ACOT12: variants seen among roughly 807,000 people sequenced by gnomAD.
The protein encoded by ACOT12 is acyl-CoA thioesterase 12.
ACOT12 carries 51 observed loss-of-function variants against 67.7 expected under a neutral mutation model. The ratio of observed to expected loss-of-function variants is 0.75; its 90% CI spans 0.60 to 0.95. ACOT12 has a LOEUF of 0.95. Among genes scored for constraint, ACOT12 ranks in the 40% least tolerant of loss-of-function variants. The pLI is 0.00. For missense variants in ACOT12, 734 were observed against 708.1 expected, an observed-to-expected ratio of 1.04 and a Z score of -0.41; for synonymous variants, 251 against 244.6, an observed-to-expected ratio of 1.03 and a Z score of -0.24.
At chr5:81,340,063 G>C (rs1304680701) in intron 11 of ACOT12, among the ~76,000 whole-genome samples, 1 of 150,706 alleles carries the variant, frequency 6.6e-6, no homozygotes, top group Non-Finnish European at 1.5e-5. Context: ...TTTGATATAG[G>C]GTCTCACTCT....
intron 3 of ACOT12, among the ~76,000 whole-genome samples, chr5:81,364,526 C>G (rs1361894060): frequency 6.6e-6 from 1 of 151,986 alleles, no homozygotes; most frequent in Non-Finnish European, 1.5e-5. Flanking sequence ...CTCCCGGGTT[C>G]AAGCCATTCT....
chr5:81,332,891 C>T (rs1005013561), intron 12 of ACOT12, among the ~76,000 whole-genome samples: 1 of 151,850 alleles, frequency 6.6e-6, no homozygotes, highest in Non-Finnish European at 1.5e-5. Context: ...TCTTGCAAAA[C>T]CCTATCTTTA....
intron 11 of ACOT12, among the ~76,000 whole-genome samples, chr5:81,340,132 G>A (rs1003910741): frequency 6.6e-6 from 1 of 151,582 alleles, no homozygotes; most frequent in African/African-American, 2.4e-5. Flanking sequence ...CTGCCTCCCA[G>A]GTTCAAGTGA....
intron 4 of ACOT12, 66 bp downstream of exon 4, chr5:81,363,722 T>C: frequency 2.5e-6 from 3 of 1,220,066 alleles, no homozygotes; most frequent in Non-Finnish European, 3.5e-6. Flanking sequence ...TTCTATAACA[T>C]TCTGATGCAA....
intron 5 of ACOT12, among the ~76,000 whole-genome samples, chr5:81,354,937 C>T (rs1487324446): frequency 6.6e-6 from 1 of 152,136 alleles, no homozygotes; most frequent in Non-Finnish European, 1.5e-5. Flanking sequence ...AGTGATCCGC[C>T]TGCCTCAGCC....
At chr5:81,355,116 C>T (rs1759671458) in intron 5 of ACOT12, among the ~76,000 whole-genome samples, 1 of 152,148 alleles carries the variant, frequency 6.6e-6, no homozygotes, top group Non-Finnish European at 1.5e-5. Flanking sequence ...AGCATAGTTC[C>T]TGAGAAGCAT....
At chr5:81,388,782 G>C (rs1760794067) in intron 1 of ACOT12, among the ~76,000 whole-genome samples, 1 of 152,148 alleles carries the variant, frequency 6.6e-6, no homozygotes, top group African/African-American at 2.4e-5. Context: ...CATGTTGTGG[G>C]AAGGAACCGG....
In ACOT12 at chr5:81,363,978, T is replaced by G. The variant is rs1342032383; in HGVS notation, c.259-89A>C. 1.5e-5 allele frequency: 11 copies of G among 713,666 alleles called. No homozygotes were observed. In the South Asian group the frequency reaches 4.6e-4, roughly 30 times the overall value. 44.2% of individuals were successfully genotyped at this position (713,666 alleles called of 1,614,324 possible). A position where few individuals can be genotyped will look rare whatever the true frequency, so the allele number is the denominator to read the frequency against. ...TAGTCATATGTATGCACCATTACCT[T>G]CTTTCATTTTAAAAATGAAACCAGA... On this transcript the variant is annotated intron_variant, in intron 3 of 14. Coordinates refer to ENST00000307624, the MANE Select transcript of ACOT12 (RefSeq NM_130767.3).
chr5:81,383,034 A>G (rs1760630435), intron 2 of ACOT12, among the ~76,000 whole-genome samples: 1 of 152,226 alleles, frequency 6.6e-6, no homozygotes, highest in Admixed American at 6.5e-5. Context: ...ATCTAATGAC[A>G]GAATGGTTGT....
intron 11 of ACOT12, among the ~76,000 whole-genome samples, chr5:81,337,004 C>T (rs1195325810): frequency 1.3e-5 from 2 of 152,214 alleles, no homozygotes; most frequent in East Asian, 3.8e-4. Flanking sequence ...GAAGACATGA[C>T]TGAGGCTGTG....
intron 5 of ACOT12, among the ~76,000 whole-genome samples, chr5:81,353,297 A>G (rs143851812): frequency 8.5e-5 from 13 of 152,354 alleles, no homozygotes; most frequent in Non-Finnish European, 1.5e-4. Flanking sequence ...ACCAACGAAA[A>G]AAATAGGGTT....
At chr5:81,354,262 G>T (rs976769745) in intron 5 of ACOT12, among the ~76,000 whole-genome samples, 7 of 151,856 alleles carry the variant, frequency 4.6e-5, no homozygotes, top group Admixed American at 4.6e-4. Flanking sequence ...ATCTAATCTG[G>T]CCAACTTTGT....
chr5:81,342,290 C>CA (rs1249781648), intron 11 of ACOT12, among the ~76,000 whole-genome samples: 3 of 151,988 alleles, frequency 2.0e-5, no homozygotes, highest in Non-Finnish European at 4.4e-5. Context: ...CACACTCGAC[C>CA]AAAAAAATTA....
intron 1 of ACOT12, among the ~76,000 whole-genome samples, chr5:81,389,661 G>T (rs1407824873): frequency 6.6e-6 from 1 of 152,088 alleles, no homozygotes. Flanking sequence ...TGAGTAGCTG[G>T]GAATACAGGC....
At chr5:81,363,743 G>T in intron 4 of ACOT12, 45 bp downstream of exon 4, 1 of 1,421,748 alleles carries the variant, frequency 7.0e-7, no homozygotes. Context: ...TTGTTACTAT[G>T]TCCCTGAATT....
the ACOT12 span, chr5:81,312,740 C>A: frequency 9.4e-7 from 1 of 1,066,706 alleles, no homozygotes; most frequent in Non-Finnish European, 1.4e-6. Flanking sequence ...TAGAGTTGAG[C>A]TCCCCTGTAG....
chr5:81,330,538 A>C lies in ACOT12; in HGVS notation c.1524T>G (p.Ser508=), dbSNP rs760655686. 2 of 1,611,738 alleles carry C rather than the reference A, an allele frequency of 1.2e-6. No homozygotes were observed. Among genetic ancestry groups the C allele is most frequent in the Non-Finnish European group, 1.7e-6 (2 of 1,179,448 alleles). Residue 508 remains serine (S), a synonymous_variant, in exon 15 of 15, where the codon TCT becomes TCG. Transcript: ENST00000307624. ...HAIDSNSCIV[S]YFNHMSASIL... is the part of the protein sequence containing the mutation. ...TGCTAGCAGACATATGGTTAAAGTA[A>C]GATACCTGTTTCAAAAAGAAAGTAC... is the stretch of plus-strand genomic sequence containing the variant.
chr5:81,342,007 T>A (rs947572522), intron 11 of ACOT12, among the ~76,000 whole-genome samples: 18 of 152,192 alleles, frequency 1.2e-4, no homozygotes, highest in Admixed American at 2.0e-4. Context: ...TTATTTTTTT[T>A]AGAGACAGAG....
At chr5:81,391,132 T>C (rs1760853899) in intron 1 of ACOT12, among the ~76,000 whole-genome samples, 1 of 152,228 alleles carries the variant, frequency 6.6e-6, no homozygotes, top group South Asian at 2.1e-4. Context: ...ACCAGGAGGT[T>C]TGGAGTCTGT....
Sources: gnomAD v4.1 joint callset for allele counts (sites outside exome capture counted in the v4.1 genomes callset) on GRCh38, gnomAD v4.1.1 for gene constraint, MANE v1.5 for transcripts, NCBI Gene and HGNC (gene_info 2026-07-23, HGNC 2026-07-21) for gene names.